Variants in RRM2B observed in about 807,000 individuals in gnomAD.
RRM2B encodes ribonucleoside-diphosphate reductase subunit M2 B.
RRM2B carries 20 observed loss-of-function variants against 45.9 expected under a neutral mutation model. The observed-to-expected ratio is 0.44, with a 90% confidence interval of 0.31 to 0.63. RRM2B has a LOEUF of 0.63. Ranked by LOEUF, RRM2B falls within the 30% of genes least tolerant of loss-of-function variation. The pLI is 0.09. For synonymous variants in RRM2B, 124 were observed against 132.3 expected, an observed-to-expected ratio of 0.94 and a Z score of 0.43; for missense variants, 320 against 414.7, an observed-to-expected ratio of 0.77 and a Z score of 1.98.
chr8:102,230,692 A>G (rs1422800679), intron 2 of RRM2B, among the ~76,000 whole-genome samples: 1 of 152,244 alleles, frequency 6.6e-6, no homozygotes, highest in Non-Finnish European at 1.5e-5. Flanking sequence ...AAGATGGGTA[A>G]GTGGGTAAAA....
chr8:102,219,571 A>G (rs1270072613), intron 5 of RRM2B, among the ~76,000 whole-genome samples: 1 of 152,234 alleles, frequency 6.6e-6, no homozygotes, highest in Admixed American at 6.5e-5. Flanking sequence ...AAGGTTACTC[A>G]TTGTTAGGCA....
chr8:102,225,228 CTTTTT>C (rs918693739), intron 3 of RRM2B, among the ~76,000 whole-genome samples: 3 of 87,510 alleles, frequency 3.4e-5, no homozygotes, highest in African/African-American at 1.3e-4. Context: ...ATAGTATATT[CTTTTT>C]TTTTTTTTTT....
At chr8:102,213,743 T>C (rs1307627369) in intron 7 of RRM2B, among the ~76,000 whole-genome samples, 1 of 144,360 alleles carries the variant, frequency 6.9e-6, no homozygotes, top group African/African-American at 2.5e-5. Context: ...ACTAAAAATG[T>C]AAAAAAAAAA....
chr8:102,222,836 T>C (rs549219847), intron 5 of RRM2B, among the ~76,000 whole-genome samples: 181 of 152,254 alleles, frequency 1.2e-3, no homozygotes, highest in Middle Eastern at 3.4e-3. Flanking sequence ...TTTTGGAAAA[T>C]ATAGAAACTT....
intron 5 of RRM2B, among the ~76,000 whole-genome samples, chr8:102,219,915 A>G (rs1045954768): frequency 6.6e-6 from 1 of 152,198 alleles, no homozygotes; most frequent in African/African-American, 2.4e-5. Context: ...TGGAACCTAT[A>G]TAAGTACTAG....
chr8:102,237,145 G>C (rs11774459), intron 1 of RRM2B, among the ~76,000 whole-genome samples: 8,692 of 152,202 alleles, frequency 0.057, 278 homozygotes, highest in Middle Eastern at 0.14. Flanking sequence ...CTGAGTCCTG[G>C]GCATGCCATT....
At position 102,218,853 on chromosome 8, in the gene RRM2B, T is replaced by C. The variant is rs1356464054; in HGVS notation, c.645A>G (p.Pro215=). The C allele has an allele frequency of 1.4e-5, 22 of 1,613,888 alleles. No individual in the cohort carries two copies. The highest frequency in any genetic ancestry group is 1.7e-5 in the Non-Finnish European group (20 of 1,179,904). ...IFWLKKRGLM[P]GLTFSNELIS... ...TGAGTTCATTGGAAAAAGTGAGTCC[T>C]GGCATAAGACCTCTCTTCTTTAGCC... is the stretch of plus-strand genomic sequence containing the variant. Residue 215 remains proline (P), a synonymous_variant, in exon 6 of 9, where the codon CCA becomes CCG. Transcript: ENST00000251810.
chr8:102,213,928 C>G (rs1810679275), intron 7 of RRM2B, 126 bp downstream of exon 7: 2 of 715,152 alleles, frequency 2.8e-6, no homozygotes, highest in African/African-American at 1.8e-5. Context: ...TTGGTATTGT[C>G]AGGCTGACCA....
intron 6 of RRM2B, among the ~76,000 whole-genome samples, chr8:102,217,375 A>G (rs185105058): frequency 2.0e-5 from 3 of 152,332 alleles, no homozygotes; most frequent in Admixed American, 1.3e-4. Context: ...TCAATTCTCT[A>G]TAACAATCCT....
chr8:102,231,138 AGATCAAGACAATAACTATTT>A (rs1298326404), intron 2 of RRM2B, among the ~76,000 whole-genome samples: 1 of 152,262 alleles, frequency 6.6e-6, no homozygotes, highest in African/African-American at 2.4e-5. Context: ...TTATATTTAA[AGATCAAGACAATAACTATTT>A]GTTCAGTTAG....
intron 1 of RRM2B, among the ~76,000 whole-genome samples, chr8:102,238,114 G>A (rs1035909604): frequency 6.6e-6 from 1 of 152,124 alleles, no homozygotes; most frequent in African/African-American, 2.4e-5. Flanking sequence ...ATTTATTTTA[G>A]GTACTTTTAT....
rs1810558085 is a variant in RRM2B at position 102,207,137 on chromosome 8, CA to C, written c.*995del. ...CTGTGTTAAGTATGTTGGGAATATG[CA>C]GGGCGAGATAAATTTATGTACCACT... On this transcript the variant is annotated 3_prime_UTR_variant, in exon 9 of 9. Coordinates refer to ENST00000251810, the MANE Select transcript of RRM2B (RefSeq NM_015713.5). 1 of 152,118 alleles carries C rather than the reference CA, an allele frequency of 6.6e-6. No homozygotes were observed. Among genetic ancestry groups the C allele is most frequent in the African/African-American group, 2.4e-5 (1 of 41,418 alleles). 9.4% of individuals were successfully genotyped at this position (152,118 alleles called of 1,614,324 possible).
Position 102,214,174 on chromosome 8 carries a change from A to G in RRM2B, c.685-16T>C. ...AGTGAAGTCCCTAAAAGGGAAGAAAAATGTCATTGTCAAATAACTTTTAAT... is the reference window on the plus strand; with the variant it reads ...AGTGAAGTCCCTAAAAGGGAAGAAAGATGTCATTGTCAAATAACTTTTAAT... On this transcript the variant is annotated splice_polypyrimidine_tract_variant and intron_variant, in intron 6 of 8. Transcript: ENST00000251810. The G allele has an allele frequency of 6.5e-7, 1 of 1,541,690 alleles. No homozygotes were observed. Among genetic ancestry groups the G allele is most frequent in the South Asian group, 1.1e-5 (1 of 89,570 alleles).
At chr8:102,209,681 A>G (rs751925002) in intron 8 of RRM2B, among the ~76,000 whole-genome samples, 5 of 152,242 alleles carry the variant, frequency 3.3e-5, no homozygotes, top group Non-Finnish European at 5.9e-5. Flanking sequence ...TGTGTAAATG[A>G]ACGTTCATAG....
chr8:102,235,917 G>A (rs1266578762), intron 1 of RRM2B, among the ~76,000 whole-genome samples: 1 of 152,158 alleles, frequency 6.6e-6, no homozygotes, highest in Non-Finnish European at 1.5e-5. Flanking sequence ...TAACACTGCA[G>A]AACACGAGTG....
intron 6 of RRM2B, among the ~76,000 whole-genome samples, chr8:102,217,671 AAGAG>A (rs1810753825): frequency 6.6e-6 from 1 of 152,224 alleles, no homozygotes; most frequent in South Asian, 2.1e-4. Flanking sequence ...AGTCTAGCAG[AAGAG>A]AGAAAGAAGA....
In RRM2B at chr8:102,220,414, C is replaced by T. The variant is rs528075526; in HGVS notation, c.551-1467G>A. The stretch of plus-strand genomic sequence containing the variant: ...AAAGTAGACTATAATTAAATACAAA[C>T]GTGAATAAAAGAAAAATTGATATTT... On this transcript the variant is annotated intron_variant, in intron 5 of 8. Transcript: ENST00000251810. Among the ~76,000 whole-genome samples the T allele has an allele frequency of 8.3e-4, 126 of 152,146 alleles. 2 individuals carry two copies. The highest frequency in any genetic ancestry group is 5.4e-4 in the Non-Finnish European group (37 of 68,006).
At chr8:102,236,542 T>G (rs998758760) in intron 1 of RRM2B, among the ~76,000 whole-genome samples, 1 of 152,158 alleles carries the variant, frequency 6.6e-6, no homozygotes, top group African/African-American at 2.4e-5. Context: ...GCCTGAGGTG[T>G]TGGCCAGGCT....
rs774708524 is a variant in RRM2B, at chr8:102,224,041, C to T, written c.550+5G>A. On this transcript the variant is annotated splice_donor_5th_base_variant and intron_variant, in intron 5 of 8. Coordinates refer to ENST00000251810, the MANE Select transcript of RRM2B (RefSeq NM_015713.5). ...TCTGATCATACATAAATTAGAGCCACATACCAAAAGTAGATTTTCTATCTG... is the reference window on the plus strand; with the variant it reads ...TCTGATCATACATAAATTAGAGCCATATACCAAAAGTAGATTTTCTATCTG... 6.2e-7 allele frequency: 1 copy of T among 1,600,688 alleles called. No individual in the cohort carries two copies. The highest frequency in any genetic ancestry group is 8.6e-7 in the Non-Finnish European group (1 of 1,167,982).
Sources: allele counts gnomAD v4.1 joint callset (sites outside exome capture counted in the v4.1 genomes callset), GRCh38; gene constraint gnomAD v4.1.1; transcripts MANE v1.5; gene names NCBI Gene and HGNC (gene_info 2026-07-23, HGNC 2026-07-21).